SOBP: variants seen among roughly 807,000 people sequenced by gnomAD.
SOBP encodes sine oculis-binding protein homolog.
SOBP carries 4 observed loss-of-function variants against 53.6 expected under a neutral mutation model. That is an observed-to-expected ratio of 0.07 (90% confidence interval 0.04 to 0.17). SOBP has a LOEUF of 0.17. Among genes scored for constraint, SOBP ranks in the 10% least tolerant of loss-of-function variants. The pLI is 1.00. For missense variants in SOBP, 1,088 were observed against 1,204.7 expected (o/e 0.90, Z 1.43); for synonymous variants, 584 against 522.6 (o/e 1.12, Z -1.60).
intron 6 of SOBP, among the ~76,000 whole-genome samples, chr6:107,649,093 A>T (rs1297360900): frequency 7.0e-6 from 1 of 142,936 alleles, no homozygotes; most frequent in South Asian, 2.3e-4. Context: ...TTGAGGCTGC[A>T]GTGAGCTATG....
intron 4 of SOBP, among the ~76,000 whole-genome samples, chr6:107,582,322 A>G (rs1159628789): frequency 1.3e-5 from 2 of 152,208 alleles, no homozygotes; most frequent in Non-Finnish European, 2.9e-5. Context: ...CTGTATTGTA[A>G]GAATCAAAAT....
chr6:107,590,450 G>A (rs1261467943), intron 5 of SOBP, among the ~76,000 whole-genome samples: 1 of 152,180 alleles, frequency 6.6e-6, no homozygotes, highest in Non-Finnish European at 1.5e-5. Flanking sequence ...TGGAAAAAAA[G>A]CCAGGCTTAG....
At chr6:107,630,375 T>C (rs1434167266) in intron 5 of SOBP, among the ~76,000 whole-genome samples, 1 of 152,324 alleles carries the variant, frequency 6.6e-6, no homozygotes, top group African/African-American at 2.4e-5. Flanking sequence ...TTCCTGGATA[T>C]GCAAATGTTG....
chr6:107,535,227 T>C (rs1204633223), intron 4 of SOBP, among the ~76,000 whole-genome samples: 1 of 152,186 alleles, frequency 6.6e-6, no homozygotes, highest in East Asian at 1.9e-4. Context: ...CCTGATTCCA[T>C]TTGGAAAAAC....
rs148810228 is a variant in SOBP, at chr6:107,534,503, A to G, written c.573+893A>G. 5.0e-3 allele frequency among the ~76,000 whole-genome samples: 764 copies of G among 152,330 alleles called. 9 individuals carry two copies. Among genetic ancestry groups the G allele is most frequent in the African/African-American group, 0.018 (735 of 41,564 alleles). On this transcript the variant is annotated intron_variant, in intron 4 of 6. Coordinates refer to ENST00000317357, the MANE Select transcript of SOBP (RefSeq NM_018013.4). ...TCCACATTTTGTTGTTTCCATTTCT[A>G]TAATACAAGATCCAAATCTGTTCTT...
Position 107,490,539 on chromosome 6 carries a change from A to ACCGCCG in SOBP, c.-66_-61dup, listed in dbSNP as rs566914812. On this transcript the variant is annotated 5_prime_UTR_variant, in exon 1 of 7. Coordinates refer to ENST00000317357, the MANE Select transcript of SOBP (RefSeq NM_018013.4). ...CCTCGCCACCATCAGCACCACCTCC[A>ACCGCCG]CCGCCGCCGCCGCCGCCACCACCAC... 6.7e-6 allele frequency: 7 copies of ACCGCCG among 1,046,586 alleles called. No individual in the cohort carries two copies. In the African/African-American group the frequency reaches 6.8e-5, roughly 10 times the overall value. 64.8% of individuals were successfully genotyped at this position (1,046,586 alleles called of 1,614,324 possible).
rs780592792 is a variant in SOBP, at chr6:107,633,813, C to T, written c.969C>T (p.Gly323=). ...SPVATAGQSQ[G]PGPSASTTVS... ...TGGCTACAGCTGGCCAAAGCCAGGG[C>T]CCTGGCCCGTCGGCGTCCACCACCG... The change falls in exon 6 of 7, where the codon GGC becomes GGT. Residue 323 remains glycine (G), a synonymous_variant. Transcript: ENST00000317357. 2.5e-6 allele frequency: 4 copies of T among 1,613,932 alleles called. No homozygotes were observed. Among genetic ancestry groups the T allele is most frequent in the Middle Eastern group, 1.6e-4 (1 of 6,084 alleles).
At chr6:107,543,615 G>A (rs1291108726) in intron 4 of SOBP, among the ~76,000 whole-genome samples, 1 of 152,220 alleles carries the variant, frequency 6.6e-6, no homozygotes, top group Non-Finnish European at 1.5e-5. Context: ...GGGGACCAGA[G>A]TGATGGCTGA....
At position 107,635,184 on chromosome 6, in the gene SOBP, C is replaced by G; in HGVS notation, c.2340C>G (p.Cys780Trp). Residue 780 changes from cysteine (C) to tryptophan (W), a missense_variant, in exon 6 of 7, where the codon TGC (cysteine) becomes TGG (tryptophan). Cys to Trp is a radical substitution (Grantham distance 215). This residue lies in a region of SOBP where 665 missense variants were observed against 629.7 expected (regional missense o/e 1.06). Transcript: ENST00000317357. This position sits in a 1 kb window ranked among gnomAD's most constrained non-coding sequence, Gnocchi z 4.5. ...AGGAGAATAACTGTGCTTCCAACTG[C>G]CACCTGGACGGGGAGGCGGCCAAAA... Reference protein sequence around the residue: ...SVKENNCASNCHLDGEAAKKL... With the variant: ...SVKENNCASNWHLDGEAAKKL... The G allele has an allele frequency of 2.5e-6, 4 of 1,613,842 alleles. No individual in the cohort carries two copies. Among genetic ancestry groups the G allele is most frequent in the Non-Finnish European group, 3.4e-6 (4 of 1,179,944 alleles).
chr6:107,561,633 G>T (rs1784775522), intron 4 of SOBP, among the ~76,000 whole-genome samples: 2 of 152,178 alleles, frequency 1.3e-5, no homozygotes, highest in Non-Finnish European at 2.9e-5. Context: ...ATATAATAAA[G>T]GAGCTTGGCT....
intron 5 of SOBP, among the ~76,000 whole-genome samples, chr6:107,633,001 C>T (rs181393022): frequency 6.6e-6 from 1 of 152,226 alleles, no homozygotes; most frequent in Non-Finnish European, 1.5e-5. Flanking sequence ...TGATGTTCAG[C>T]GCTTTGTGTT....
chr6:107,577,539 G>T (rs774684008), intron 4 of SOBP, among the ~76,000 whole-genome samples: 4 of 152,158 alleles, frequency 2.6e-5, no homozygotes, highest in African/African-American at 9.7e-5. Flanking sequence ...TTTATATACC[G>T]AATGCCAGGA....
intron 4 of SOBP, among the ~76,000 whole-genome samples, chr6:107,549,290 C>CA (rs1215357663): frequency 3.3e-4 from 50 of 151,158 alleles, no homozygotes; most frequent in African/African-American, 1.2e-3. Flanking sequence ...CAAACAACAA[C>CA]AACAAAAAAA....
chr6:107,636,604 A>T (rs1771055136), intron 6 of SOBP, among the ~76,000 whole-genome samples: 1 of 152,196 alleles, frequency 6.6e-6, no homozygotes. Context: ...GAGTTTATCA[A>T]CTTCTTATGG....
At chr6:107,535,712 G>T (rs1783977962) in intron 4 of SOBP, among the ~76,000 whole-genome samples, 1 of 150,312 alleles carries the variant, frequency 6.7e-6, no homozygotes, top group African/African-American at 2.5e-5. Flanking sequence ...TTTAAAGAGT[G>T]TTATCTCTGT....
At chr6:107,506,798 G>A (rs1257822786) in intron 3 of SOBP, among the ~76,000 whole-genome samples, 2 of 152,128 alleles carry the variant, frequency 1.3e-5, no homozygotes, top group South Asian at 2.1e-4. Context: ...TGGTTGGCTT[G>A]TAATCCCTGC....
At chr6:107,504,715 T>C (rs1253515240) in intron 2 of SOBP, among the ~76,000 whole-genome samples, 1 of 152,262 alleles carries the variant, frequency 6.6e-6, no homozygotes. Context: ...AGCTTTCCCT[T>C]CTTATATGCC....
intron 3 of SOBP, among the ~76,000 whole-genome samples, chr6:107,521,937 C>T (rs1482009334): frequency 6.6e-6 from 1 of 150,614 alleles, no homozygotes; most frequent in Non-Finnish European, 1.5e-5. Flanking sequence ...CACACACACA[C>T]ACACACACAC....
At chr6:107,656,339 G>GTC (rs1772055393) in intron 6 of SOBP, among the ~76,000 whole-genome samples, 1 of 4,284 alleles carries the variant, frequency 2.3e-4, no homozygotes, top group Admixed American at 2.2e-3. Flanking sequence ...AAGAAAGAAA[G>GTC]AAAGAGAAAG....
Sources: allele counts gnomAD v4.1 joint callset (sites outside exome capture counted in the v4.1 genomes callset), GRCh38; gene constraint gnomAD v4.1.1; regional missense constraint gnomAD v4.1.1; non-coding constraint Gnocchi (gnomAD v3.1); transcripts MANE v1.5; gene names NCBI Gene and HGNC (gene_info 2026-07-23, HGNC 2026-07-21).